The following KCNQ1 variants were observed in gnomAD, a reference collection of about 807,000 sequenced individuals.
The protein encoded by KCNQ1 is potassium voltage-gated channel subfamily Q member 1.
In KCNQ1, 49 loss-of-function variants were observed where a neutral mutation model predicts 72.4. That is an observed-to-expected ratio of 0.68 (90% CI 0.54 to 0.86). The LOEUF (loss-of-function observed/expected upper bound fraction) is 0.86. Ranked by LOEUF, KCNQ1 falls within the 40% of genes least tolerant of loss-of-function variation. The pLI, the probability that KCNQ1 is intolerant of heterozygous loss-of-function variation, is 0.00. For synonymous variants in KCNQ1, 450 were observed against 412.6 expected (o/e 1.09, Z -1.10); for missense variants, 790 against 945.1 (o/e 0.84, Z 2.15).
intron 15 of KCNQ1, among the ~76,000 whole-genome samples, chr11:2,831,696 C>T (rs1178217735): frequency 2.5e-4 from 37 of 149,304 alleles, no homozygotes; most frequent in Non-Finnish European, 4.9e-4. Flanking sequence ...CCTCCAGCAC[C>T]CTTCTCCCCG....
At chr11:2,585,174 C>T (rs748653136) in intron 7 of KCNQ1, 38 bp from the exon 8 acceptor site, 2 of 1,565,068 alleles carry the variant, frequency 1.3e-6, no homozygotes, top group South Asian at 1.1e-5. Flanking sequence ...CTGGCAGTGG[C>T]CTGTGTGGAC....
intron 1 of KCNQ1, among the ~76,000 whole-genome samples, chr11:2,525,356 C>G (rs868103501): frequency 6.6e-6 from 1 of 152,200 alleles, no homozygotes; most frequent in East Asian, 1.9e-4. Flanking sequence ...AGGGTTGGCC[C>G]GGAGGCTCCA....
chr11:2,733,011 G>A (rs1845880086), intron 11 of KCNQ1, among the ~76,000 whole-genome samples: 2 of 152,118 alleles, frequency 1.3e-5, no homozygotes, highest in Non-Finnish European at 2.9e-5. Context: ...GGGAAGAGGG[G>A]GTCTGGGACA....
Position 2,703,813 on chromosome 11 carries a change from C to T in KCNQ1, c.1514+41732C>T, listed in dbSNP as rs537204250. Among the ~76,000 whole-genome samples, 3 of 152,198 alleles carry T rather than the reference C, an allele frequency of 2.0e-5. No individual in the cohort carries two copies. The highest frequency in any genetic ancestry group is 4.4e-5 in the Non-Finnish European group (3 of 68,028). On this transcript the variant is annotated intron_variant, in intron 11 of 15. Transcript: ENST00000155840. This position sits in a 1 kb window ranked among gnomAD's most constrained non-coding sequence, Gnocchi z 6.4. The stretch of plus-strand genomic sequence containing the variant: ...CTCAATTCTCTCCCTACCCTGCCCC[C>T]ACCCTCGGAGTCTAAGGGTGGAACC...
At position 2,627,683 on chromosome 11, in the gene KCNQ1, T is replaced by C; in HGVS notation, c.1394-34278T>C. On this transcript the variant is annotated intron_variant, in intron 10 of 15. Transcript: ENST00000155840. The surrounding 1 kb of genome is among the most constrained non-coding windows in gnomAD (Gnocchi z 4.9). ...TTGTGTGTGTGTATATATGTGTGTGTGTGTGTCTGTATGTATATGTATGTG... is the reference window on the plus strand; with the variant it reads ...TTGTGTGTGTGTATATATGTGTGTGCGTGTGTCTGTATGTATATGTATGTG... The C allele has an allele frequency of 2.5e-6, 1 of 398,638 alleles. No homozygotes were observed. The highest frequency in any genetic ancestry group is 2.1e-5 in the African/African-American group (1 of 48,760). The allele number at this position is 398,638 out of a possible 1,614,324, so 24.7% of individuals were successfully genotyped here.
At chr11:2,807,054 G>A (rs767264690) in intron 15 of KCNQ1, among the ~76,000 whole-genome samples, 9 of 152,332 alleles carry the variant, frequency 5.9e-5, no homozygotes, top group African/African-American at 1.7e-4. Context: ...CGGCTCTTTC[G>A]GAAGGCGCCA....
At chr11:2,622,931 A>C (rs1849199226) in intron 10 of KCNQ1, 1 of 398,578 alleles carries the variant, frequency 2.5e-6, no homozygotes, top group Non-Finnish European at 4.4e-6. Context: ...TGGGGTGTAC[A>C]TTCTGTGGGT....
chr11:2,826,353 G>A lies in KCNQ1; in HGVS notation c.1795-21414G>A, dbSNP rs1433215673. 6.6e-6 allele frequency among the ~76,000 whole-genome samples: 1 copy of A among 152,240 alleles called. No individual in the cohort carries two copies. The highest frequency in any genetic ancestry group is 2.4e-5 in the African/African-American group (1 of 41,456). On this transcript the variant is annotated intron_variant, in intron 15 of 15. Coordinates refer to ENST00000155840, the MANE Select transcript of KCNQ1 (RefSeq NM_000218.3). The surrounding 1 kb of genome is among the most constrained non-coding windows in gnomAD (Gnocchi z 4.2). ...GCTCCAGTATTCCCCAGCTTCCCAG[G>A]GTCTCCTGGCAGTAACCAGGCCAGC... is the stretch of plus-strand genomic sequence containing the variant.
Position 2,665,878 on chromosome 11 carries a change from C to T in KCNQ1, c.1514+3797C>T, listed in dbSNP as rs1590017952. 2.0e-5 allele frequency: 8 copies of T among 398,720 alleles called. No individual in the cohort carries two copies. In the East Asian group the frequency reaches 2.1e-4, roughly 11 times the overall value. The allele number at this position is 398,720 out of a possible 1,614,324, so 24.7% of individuals were successfully genotyped here. On this transcript the variant is annotated intron_variant, in intron 11 of 15. Transcript: ENST00000155840. Reference sequence around the variant, plus strand: ...GGATCTGCGGCTCTGAACTTGGGGGCTGTGTGCAGGTGTGGCCTGGGTGAG... The same window carrying T: ...GGATCTGCGGCTCTGAACTTGGGGGTTGTGTGCAGGTGTGGCCTGGGTGAG...
At chr11:2,722,906 G>C (rs533854520) in intron 11 of KCNQ1, among the ~76,000 whole-genome samples, 9 of 152,290 alleles carry the variant, frequency 5.9e-5, no homozygotes, top group East Asian at 5.8e-4. Flanking sequence ...TTAGCGGAGT[G>C]GGGGTGGGGG....
At chr11:2,518,494 C>T (rs1228930205) in intron 1 of KCNQ1, among the ~76,000 whole-genome samples, 2 of 152,166 alleles carry the variant, frequency 1.3e-5, no homozygotes, top group East Asian at 3.9e-4. Context: ...CTGTGTGGAC[C>T]CAGCCGAAAG....
At chr11:2,801,619 C>T (rs754931093) in intron 15 of KCNQ1, among the ~76,000 whole-genome samples, 7 of 152,210 alleles carry the variant, frequency 4.6e-5, no homozygotes, top group Non-Finnish European at 1.0e-4. Context: ...TTATCACCTC[C>T]TAAAGGCCTC....
At chr11:2,461,651 GT>G in intron 1 of KCNQ1, 1 of 1,366,626 alleles carries the variant, frequency 7.3e-7, no homozygotes, top group African/African-American at 1.5e-5. Flanking sequence ...TTTGAGGCCT[GT>G]GGCTGCTGTG....
chr11:2,730,162 C>T (rs1231636542), intron 11 of KCNQ1, among the ~76,000 whole-genome samples: 1 of 152,180 alleles, frequency 6.6e-6, no homozygotes, highest in East Asian at 1.9e-4. Flanking sequence ...CTGGGACAGA[C>T]CTGGCAGACC....
At position 2,579,013 on chromosome 11, in the gene KCNQ1, G is replaced by A. The variant is rs570745039; in HGVS notation, c.922-4422G>A. Among the ~76,000 whole-genome samples the A allele has an allele frequency of 1.1e-4, 16 of 152,240 alleles. No homozygotes were observed. Among genetic ancestry groups the A allele is most frequent in the African/African-American group, 2.6e-4 (11 of 41,538 alleles). On this transcript the variant is annotated intron_variant, in intron 6 of 15. Transcript: ENST00000155840. This position sits in a 1 kb window ranked among gnomAD's most constrained non-coding sequence, Gnocchi z 6.0. ...CACCTCTGGGCTACCCCCTCCTCCC[G>A]CTCTTGACCACCCCTTCCTCTGGAC...
At chr11:2,456,763 TCCAAAAAA>T (rs1271058642) in intron 1 of KCNQ1, among the ~76,000 whole-genome samples, 59 of 54,652 alleles carry the variant, frequency 1.1e-3, no homozygotes, top group African/African-American at 3.0e-3. Context: ...CTACTAAAAA[TCCAAAAAA>T]AAAAAAAAAA....
rs1287175050 is a variant in KCNQ1 at position 2,541,730 on chromosome 11, ATC to A, written c.477+13714_477+13715del. Among the ~76,000 whole-genome samples the A allele has an allele frequency of 6.7e-6, 1 of 148,566 alleles. No individual in the cohort carries two copies. Among genetic ancestry groups the A allele is most frequent in the Non-Finnish European group, 1.5e-5 (1 of 67,412 alleles). On this transcript the variant is annotated intron_variant, in intron 2 of 15. Coordinates refer to ENST00000155840, the MANE Select transcript of KCNQ1 (RefSeq NM_000218.3). This position sits in a 1 kb window ranked among gnomAD's most constrained non-coding sequence, Gnocchi z 4.8. ...TTTTTTTTTTTTTTTAAATGAGGAC[ATC>A]TGTTAGACCACTTAGGAGTTCTAGA...
chr11:2,497,569 A>T lies in KCNQ1; in HGVS notation c.387-30359A>T, dbSNP rs1846943608. On this transcript the variant is annotated intron_variant, in intron 1 of 15. Transcript: ENST00000155840. The surrounding 1 kb of genome is among the most constrained non-coding windows in gnomAD (Gnocchi z 4.5). ...GTTATTCTAGTTAGCAGTTCCTGTA[A>T]CCTTTTATCAGGTTCTTAGCTTCCT... 6.6e-6 allele frequency among the ~76,000 whole-genome samples: 1 copy of T among 152,016 alleles called. No individual in the cohort carries two copies. Among genetic ancestry groups the T allele is most frequent in the African/African-American group, 2.4e-5 (1 of 41,374 alleles).
In KCNQ1 at chr11:2,847,817, G is replaced by A; in HGVS notation, c.1845G>A (p.Gln615=). 1 of 1,569,380 alleles carries A rather than the reference G, an allele frequency of 6.4e-7. No homozygotes were observed. The highest frequency in any genetic ancestry group is 8.6e-7 in the Non-Finnish European group (1 of 1,156,894). The change falls in exon 16 of 16, where the codon CAG becomes CAA. Residue 615 remains glutamine (Q), a synonymous_variant. Transcript: ENST00000155840. ...RLALITDMLH[Q]LLSLHGGSTP... Reference sequence around the variant, plus strand: ...CACTCATCACCGACATGCTTCACCAGCTGCTCTCCTTGCACGGTGGCAGCA... The same window carrying A: ...CACTCATCACCGACATGCTTCACCAACTGCTCTCCTTGCACGGTGGCAGCA...
Sources: gnomAD v4.1 joint callset for allele counts (sites outside exome capture counted in the v4.1 genomes callset) on GRCh38, gnomAD v4.1.1 for gene constraint, Gnocchi (gnomAD v3.1) non-coding constraint, MANE v1.5 for transcripts, NCBI Gene and HGNC (gene_info 2026-07-23, HGNC 2026-07-21) for gene names.